Variants in CCNK observed in about 807,000 individuals in gnomAD.
The protein encoded by CCNK is cyclin-K.
In CCNK, 9 loss-of-function variants were observed where a neutral mutation model predicts 65.0. That is an observed-to-expected ratio of 0.14 (90% CI 0.08 to 0.24). The LOEUF is 0.24. Ranked by LOEUF, CCNK falls within the 10% of genes least tolerant of loss-of-function variation. The pLI is 1.00. For synonymous variants in CCNK, 279 were observed against 270.8 expected, an observed-to-expected ratio of 1.03 and a Z score of -0.30; for missense variants, 474 against 720.0, an observed-to-expected ratio of 0.66 and a Z score of 3.91.
At chr14:99,490,293 C>T (rs1349833961) in intron 1 of CCNK, among the ~76,000 whole-genome samples, 1 of 152,142 alleles carries the variant, frequency 6.6e-6, no homozygotes, top group Admixed American at 6.5e-5. Flanking sequence ...ACCAAGAGCT[C>T]ATGGTTAACA....
At chr14:99,490,564 A>G (rs1896576424) in intron 1 of CCNK, among the ~76,000 whole-genome samples, 1 of 152,148 alleles carries the variant, frequency 6.6e-6, no homozygotes, top group Non-Finnish European at 1.5e-5. Context: ...TCTTGTTTCC[A>G]TTCCTGTCTT....
At chr14:99,507,909 C>A (rs939858182) in intron 10 of CCNK, 3 of 152,228 alleles carry the variant, frequency 2.0e-5, no homozygotes, top group Non-Finnish European at 4.4e-5. Flanking sequence ...AGGAGAAAAG[C>A]TGTAAAGTAG....
chr14:99,493,873 T>C (rs973779256), intron 3 of CCNK: 2 of 270,874 alleles, frequency 7.4e-6, no homozygotes, highest in African/African-American at 4.4e-5. Flanking sequence ...TTTGGGCTTA[T>C]AATTGAGACT....
intron 3 of CCNK, chr14:99,494,545 T>A (rs1366986623): frequency 6.6e-6 from 1 of 152,220 alleles, no homozygotes; most frequent in Non-Finnish European, 1.5e-5. Flanking sequence ...ATCAGTTTTG[T>A]ACCCCCGGCA....
Position 99,510,264 on chromosome 14 carries a change from C to T in CCNK, c.1225C>T (p.Pro409Ser). 2 of 1,561,918 alleles carry T rather than the reference C, an allele frequency of 1.3e-6. No homozygotes were observed. Among genetic ancestry groups the T allele is most frequent in the Non-Finnish European group, 1.7e-6 (2 of 1,157,950 alleles). The change falls in exon 11 of 11, where the codon CCT (proline) becomes TCT (serine). Residue 409 changes from proline (P) to serine (S), a missense_variant. Pro to Ser is a moderately conservative substitution (Grantham distance 74). Coordinates refer to ENST00000389879, the MANE Select transcript of CCNK (RefSeq NM_001099402.2). The stretch of plus-strand genomic sequence containing the variant: ...GATTCCCCCTCCGGCCCACCCGGCC[C>T]CTGTGCACCAGCCACCGCCGCTGCC... ...VQIPPPAHPA[P>S]VHQPPPLPHR...
intron 3 of CCNK, 144 bp from the exon 4 acceptor site, chr14:99,495,354 C>G (rs1896679068): frequency 1.9e-6 from 1 of 513,064 alleles, no homozygotes. Flanking sequence ...CTTCAAGCTT[C>G]TAGAGTATCG....
At chr14:99,503,053 C>T in intron 8 of CCNK, 69 bp downstream of exon 8, 1 of 1,532,370 alleles carries the variant, frequency 6.5e-7, no homozygotes, top group East Asian at 2.2e-5. Context: ...GAGCACTGTT[C>T]CCATTTCTAA....
intron 1 of CCNK, among the ~76,000 whole-genome samples, chr14:99,484,575 G>A (rs1896436633): frequency 6.6e-6 from 1 of 152,244 alleles, no homozygotes; most frequent in Non-Finnish European, 1.5e-5. Context: ...CCTGGTAGAA[G>A]TTAAAGAGTC....
chr14:99,503,003 G>T lies in CCNK; in HGVS notation c.1011+19G>T, dbSNP rs377647054. On this transcript the variant is annotated intron_variant, in intron 8 of 10. Transcript: ENST00000389879. ...AGCCGTGGTGAGTGGGCTAAAGCAG[G>T]CCCTGGGTAGAGCAGGCTTTCCAGG... 1.1e-5 allele frequency: 18 copies of T among 1,613,690 alleles called. No homozygotes were observed. The Admixed American group carries it at 1.8e-4, about 16-fold the overall frequency.
At chr14:99,503,029 T>C in intron 8 of CCNK, 45 bp downstream of exon 8, 3 of 1,602,118 alleles carry the variant, frequency 1.9e-6, no homozygotes, top group Non-Finnish European at 2.6e-6. Flanking sequence ...GCTTTCCAGG[T>C]GGCGGCAACA....
At chr14:99,485,735 C>G (rs1418334221) in intron 1 of CCNK, among the ~76,000 whole-genome samples, 1 of 152,206 alleles carries the variant, frequency 6.6e-6, no homozygotes, top group Admixed American at 6.5e-5. Flanking sequence ...TGGCTTATGC[C>G]TGTAATCCCA....
chr14:99,510,958 G>A lies in CCNK; in HGVS notation c.*176G>A, dbSNP rs956299340. ...GTGGTCCTCACACCTAGAGGACGGG[G>A]ACAACCAGCTTTCAGAGTAGCCTCA... On this transcript the variant is annotated 3_prime_UTR_variant, in exon 11 of 11. Coordinates refer to ENST00000389879, the MANE Select transcript of CCNK (RefSeq NM_001099402.2). The A allele has an allele frequency of 1.5e-5, 7 of 473,288 alleles. No individual in the cohort carries two copies. Among genetic ancestry groups the A allele is most frequent in the African/African-American group, 1.4e-4 (7 of 49,606 alleles). The allele number at this position is 473,288 out of a possible 1,614,324, so 29.3% of individuals were successfully genotyped here. A position where few individuals can be genotyped will look rare whatever the true frequency, so the allele number is the denominator to read the frequency against.
intron 8 of CCNK, 65 bp from the exon 9 acceptor site, chr14:99,503,546 A>G: frequency 1.4e-6 from 2 of 1,385,640 alleles, no homozygotes; most frequent in East Asian, 2.5e-5. Context: ...GTACCTGGAT[A>G]ATCCATTTTT....
In CCNK at chr14:99,509,892, C is replaced by G. The variant is rs1052183956; in HGVS notation, c.1118-265C>G. 5.6e-6 allele frequency: 3 copies of G among 537,704 alleles called. No individual in the cohort carries two copies. In the African/African-American group the frequency reaches 5.8e-5, roughly 10 times the overall value. 33.3% of individuals were successfully genotyped at this position (537,704 alleles called of 1,614,324 possible). On this transcript the variant is annotated intron_variant, in intron 10 of 10. Coordinates refer to ENST00000389879, the MANE Select transcript of CCNK (RefSeq NM_001099402.2). ...GGCACAAGGGGGCTTCGGGTGCTGC[C>G]GAGACTGCCTGTAGGTGGTGTGGTC...
At chr14:99,489,610 A>G (rs1278119863) in intron 1 of CCNK, among the ~76,000 whole-genome samples, 1 of 152,252 alleles carries the variant, frequency 6.6e-6, no homozygotes, top group African/African-American at 2.4e-5. Context: ...ATATCTCACT[A>G]AGCATGTAAC....
chr14:99,493,209 CCTGGG>C (rs1298943973), intron 2 of CCNK: 7 of 424,274 alleles, frequency 1.6e-5, no homozygotes, highest in African/African-American at 1.4e-4. Flanking sequence ...TCGAGACCAA[CCTGGG>C]CTGCAGTGAG....
At chr14:99,487,251 TAA>T (rs1896508432) in intron 1 of CCNK, among the ~76,000 whole-genome samples, 1 of 152,222 alleles carries the variant, frequency 6.6e-6, no homozygotes, top group South Asian at 2.1e-4. Flanking sequence ...AATGTATAGA[TAA>T]AGTGTGTTGC....
intron 10 of CCNK, chr14:99,509,783 C>T (rs1399445830): frequency 3.4e-6 from 1 of 294,272 alleles, no homozygotes; most frequent in South Asian, 6.3e-5. Flanking sequence ...CAGTGTGGCC[C>T]TGACCCCTGG....
Position 99,502,391 on chromosome 14 carries a change from A to C in CCNK, c.745+15A>C. On this transcript the variant is annotated intron_variant, in intron 7 of 10. Transcript: ENST00000389879. ...CGTTTTGGAAGGTACCAGGCATGCT[A>C]AGCGTTCTCGTGAGGGTGTTCCATG... The C allele has an allele frequency of 6.2e-7, 1 of 1,611,918 alleles. No individual in the cohort carries two copies. Among genetic ancestry groups the C allele is most frequent in the Middle Eastern group, 1.7e-4 (1 of 6,056 alleles).
Sources: gnomAD v4.1 joint callset for allele counts (sites outside exome capture counted in the v4.1 genomes callset) on GRCh38, gnomAD v4.1.1 for gene constraint, MANE v1.5 for transcripts, NCBI Gene and HGNC (gene_info 2026-07-23, HGNC 2026-07-21) for gene names.